Variants in ADAMTS14 observed in about 807,000 individuals in gnomAD.
ADAMTS14 encodes ADAM metallopeptidase with thrombospondin type 1 motif 14.
Under a neutral mutation model 128.6 loss-of-function variants are expected in ADAMTS14, and 100 were observed. That is an observed-to-expected ratio of 0.78 (90% confidence interval 0.66 to 0.92). The LOEUF (loss-of-function observed/expected upper bound fraction) is 0.92, where lower values mean the gene tolerates loss of function less well. ADAMTS14 is among the 40% of genes least tolerant of loss of function. The pLI, the probability that ADAMTS14 is intolerant of heterozygous loss-of-function variation, is 0.00. For synonymous variants in ADAMTS14, 665 were observed against 653.8 expected, an observed-to-expected ratio of 1.02 and a Z score of -0.26; for missense variants, 1,562 against 1,658.6, an observed-to-expected ratio of 0.94 and a Z score of 1.01.
intron 12 of ADAMTS14, 137 bp from the exon 13 acceptor site, chr10:70,743,411 C>T (rs1842065817): frequency 2.0e-6 from 2 of 1,012,434 alleles, no homozygotes; most frequent in Non-Finnish European, 2.7e-6. Context: ...GGATTTTCAG[C>T]CCCCGTGCCA....
intron 21 of ADAMTS14, among the ~76,000 whole-genome samples, chr10:70,758,570 T>G (rs1020312805): frequency 6.6e-6 from 1 of 152,226 alleles, no homozygotes; most frequent in African/African-American, 2.4e-5. Context: ...ATATAGAAAT[T>G]TAGCCATATT....
rs1842308118 is a variant in ADAMTS14, at chr10:70,750,092, GC to G, written c.2427+109del. On this transcript the variant is annotated intron_variant, in intron 16 of 21. Transcript: ENST00000373207. ...TGACACCATTCTGGTGTCTTTAGGA[GC>G]CTGGGCAAGGGCAAGGCACCTTCCA... 2.8e-6 allele frequency: 4 copies of G among 1,453,228 alleles called. No homozygotes were observed. In the East Asian group the frequency reaches 9.3e-5, roughly 34 times the overall value. The allele number at this position is 1,453,228 out of a possible 1,614,324, so 90.0% of individuals were successfully genotyped here. A position where few individuals can be genotyped will look rare whatever the true frequency, so the allele number is the denominator to read the frequency against.
intron 10 of ADAMTS14, among the ~76,000 whole-genome samples, chr10:70,737,851 G>T (rs1193696999): frequency 6.6e-6 from 1 of 152,190 alleles, no homozygotes; most frequent in Non-Finnish European, 1.5e-5. Context: ...AGAACAAGAA[G>T]TGACTGCAGA....
rs534819747 is a variant in ADAMTS14, at chr10:70,708,732, A to G, written c.824A>G (p.His275Arg). 3.2e-6 allele frequency: 5 copies of G among 1,547,486 alleles called. No homozygotes were observed. In the African/African-American group the frequency reaches 4.2e-5, roughly 13 times the overall value. The stretch of plus-strand genomic sequence containing the variant: ...GTGGACGACTCGGTGGTTCGCTTCC[A>G]TGGCAAGGAGCATGTGCAGAACTAT... ...LVVDDSVVRF[H>R]GKEHVQNYVL... is the part of the protein sequence containing the mutation. The change falls in exon 4 of 22, where the codon CAT (histidine) becomes CGT (arginine). Residue 275 changes from histidine to arginine, a missense_variant. Transcript: ENST00000373207.
chr10:70,735,362 C>G, intron 9 of ADAMTS14, 61 bp downstream of exon 9: 1 of 1,580,062 alleles, frequency 6.3e-7, no homozygotes, highest in Non-Finnish European at 8.6e-7. Context: ...CTTCTGTGGC[C>G]CATGCTGACC....
intron 4 of ADAMTS14, 43 bp downstream of exon 4, chr10:70,708,821 G>T (rs571347268): frequency 7.5e-7 from 1 of 1,332,590 alleles, no homozygotes; most frequent in South Asian, 1.6e-5. Flanking sequence ...AGTGGGGTGG[G>T]GTGGGCCCCA....
chr10:70,761,169 G>T lies in ADAMTS14; in HGVS notation c.*316G>T. 1 of 295,062 alleles carries T rather than the reference G, an allele frequency of 3.4e-6. No homozygotes were observed. Among genetic ancestry groups the T allele is most frequent in the Non-Finnish European group, 6.3e-6 (1 of 159,268 alleles). 18.3% of individuals were successfully genotyped at this position (295,062 alleles called of 1,614,324 possible). On this transcript the variant is annotated 3_prime_UTR_variant, in exon 22 of 22. Transcript: ENST00000373207. ...TCCCTCCTCACAGACCCTGGGCCTG[G>T]GCAGGTCTGAATCCCGGCTGGTCTG...
At chr10:70,711,362 C>T (rs539864251) in intron 4 of ADAMTS14, among the ~76,000 whole-genome samples, 26 of 152,324 alleles carry the variant, frequency 1.7e-4, no homozygotes, top group Admixed American at 1.5e-3. Context: ...GGGTCACGTG[C>T]CACTCTTTGG....
intron 2 of ADAMTS14, among the ~76,000 whole-genome samples, chr10:70,686,211 CCAAGTTGGT>C (rs1258787970): frequency 6.6e-6 from 1 of 150,966 alleles, no homozygotes; most frequent in East Asian, 1.9e-4. Context: ...TTTGTTAGGA[CCAAGTTGGT>C]CTGAATGCAA....
chr10:70,712,544 T>A (rs191048261), intron 4 of ADAMTS14, among the ~76,000 whole-genome samples: 35 of 152,096 alleles, frequency 2.3e-4, no homozygotes, highest in African/African-American at 7.5e-4. Flanking sequence ...CATTATAGAT[T>A]AGGAATTTTA....
chr10:70,676,681 CCT>C (rs942858657), intron 2 of ADAMTS14, among the ~76,000 whole-genome samples: 3 of 152,206 alleles, frequency 2.0e-5, no homozygotes, highest in African/African-American at 7.2e-5. Flanking sequence ...CTGGGCTGAG[CCT>C]CTGCCGCCAG....
At chr10:70,673,791 C>T (rs1423017786) in intron 1 of ADAMTS14, among the ~76,000 whole-genome samples, 3 of 152,180 alleles carry the variant, frequency 2.0e-5, no homozygotes, top group Non-Finnish European at 1.5e-5. Context: ...CATTCCTGCC[C>T]AGCCTGGCTG....
chr10:70,753,983 G>C lies in ADAMTS14; in HGVS notation c.2913G>C (p.Gln971His), dbSNP rs1192893431. ...RPCLRVPCPA[Q>H]WRLGAWSQCS... Reference sequence around the variant, plus strand: ...GTCTCCGAGTGCCCTGCCCAGCCCAGTGGAGGCTGGGAGCCTGGTCCCAGG... The same window carrying C: ...GTCTCCGAGTGCCCTGCCCAGCCCACTGGAGGCTGGGAGCCTGGTCCCAGG... Residue 971 changes from glutamine to histidine, a missense_variant, in exon 19 of 22, where the codon CAG becomes CAC. By Grantham distance (24) the Gln-to-His change is conservative (BLOSUM62 0). Transcript: ENST00000373207. The C allele has an allele frequency of 1.3e-6, 2 of 1,574,190 alleles. No homozygotes were observed. Among genetic ancestry groups the C allele is most frequent in the Non-Finnish European group, 8.6e-7 (1 of 1,162,090 alleles).
At chr10:70,759,484 G>A (rs189655811) in intron 21 of ADAMTS14, among the ~76,000 whole-genome samples, 2 of 152,298 alleles carry the variant, frequency 1.3e-5, no homozygotes, top group East Asian at 3.9e-4. Flanking sequence ...CTAGTGTAAT[G>A]AGCACTTATC....
At chr10:70,742,347 T>C (rs1279188067) in intron 12 of ADAMTS14, among the ~76,000 whole-genome samples, 2 of 148,962 alleles carry the variant, frequency 1.3e-5, no homozygotes, top group Admixed American at 6.7e-5. Flanking sequence ...GTCTTGGAGG[T>C]TGTGGCTTCC....
chr10:70,674,542 T>C lies in ADAMTS14; in HGVS notation c.83-14T>C. 1 of 1,602,598 alleles carries C rather than the reference T, an allele frequency of 6.2e-7. No homozygotes were observed. Among genetic ancestry groups the C allele is most frequent in the East Asian group, 2.2e-5 (1 of 44,612 alleles). On this transcript the variant is annotated splice_polypyrimidine_tract_variant and intron_variant, in intron 1 of 21. Transcript: ENST00000373207. ...CCGACTGCATTGAAGTGACTCTTTG[T>C]TTACCTCCAACAGAGCTGCACCTCT...
rs576066757 is a variant in ADAMTS14 at position 70,703,733 on chromosome 10, C to T, written c.679+1265C>T. Among the ~76,000 whole-genome samples the T allele has an allele frequency of 3.3e-5, 5 of 152,338 alleles. No individual in the cohort carries two copies. The South Asian group carries it at 8.3e-4, about 25-fold the overall frequency. ...AGAGCTGTGAGCCTGGAACCAGCTG[C>T]ATCACCAGCCACCATGGTGGGCAGC... On this transcript the variant is annotated intron_variant, in intron 3 of 21. Transcript: ENST00000373207.
At chr10:70,727,540 CTGGCATCACATCCCTGACCGCGCTGG>C (rs1325831850) in intron 4 of ADAMTS14, among the ~76,000 whole-genome samples, 36,590 of 147,582 alleles carry the variant, frequency 0.25, 5,366 homozygotes, top group Middle Eastern at 0.28. Flanking sequence ...AACCGCACTG[CTGGCATCACATCCCTGACCGCGCTGG>C]TGGCATCACA....
chr10:70,691,191 CT>C (rs1012461197), intron 2 of ADAMTS14, among the ~76,000 whole-genome samples: 1 of 144,294 alleles, frequency 6.9e-6, no homozygotes, highest in African/African-American at 2.5e-5. Flanking sequence ...ACCACCCCTC[CT>C]TTAAGAACTT....
Sources: gnomAD v4.1 joint callset for allele counts (sites outside exome capture counted in the v4.1 genomes callset) on GRCh38, gnomAD v4.1.1 for gene constraint, MANE v1.5 for transcripts, NCBI Gene and HGNC (gene_info 2026-07-23, HGNC 2026-07-21) for gene names.